Variants in SYNM observed in about 807,000 individuals in gnomAD.
The protein encoded by SYNM is synemin, also known as desmuslin.
SYNM carries 95 observed loss-of-function variants against 104.0 expected under a neutral mutation model. The ratio of observed to expected loss-of-function variants is 0.91; its 90% CI spans 0.77 to 1.08. The LOEUF is 1.08. Among genes scored for constraint, SYNM ranks in the 50% least tolerant of loss-of-function variants. The pLI is 0.00. For missense variants in SYNM, 2,150 were observed against 2,052.2 expected (o/e 1.05, Z -0.92); for synonymous variants, 918 against 869.0 (o/e 1.06, Z -0.99).
chr15:99,133,226 G>T lies in SYNM; in HGVS notation c.*168G>T, dbSNP rs1240775802. On this transcript the variant is annotated 3_prime_UTR_variant, in exon 4 of 4. Transcript: ENST00000336292. ...TTTCCTTTATAGTTAATCCGTAAAG[G>T]TTTCCAGTTAATTCATGCCTTAAAA... 7.3e-7 allele frequency: 1 copy of T among 1,379,178 alleles called. No individual in the cohort carries two copies. Among genetic ancestry groups the T allele is most frequent in the East Asian group, 2.5e-5 (1 of 39,478 alleles). 85.4% of individuals were successfully genotyped at this position (1,379,178 alleles called of 1,614,324 possible).
intron 2 of SYNM, among the ~76,000 whole-genome samples, chr15:99,125,922 C>T (rs1344129722): frequency 6.6e-6 from 1 of 152,222 alleles, no homozygotes; most frequent in Non-Finnish European, 1.5e-5. Context: ...CCACTCTCCT[C>T]AGCTCTGGGA....
Position 99,116,751 on chromosome 15 carries a change from T to C in SYNM, c.935+3036T>C, listed in dbSNP as rs1382588196. Among the ~76,000 whole-genome samples the C allele has an allele frequency of 2.8e-5, 4 of 143,380 alleles. No individual in the cohort carries two copies. In the Admixed American group the frequency reaches 2.9e-4, roughly 10 times the overall value. The allele number at this position is 143,380 out of a possible 152,430, so 94.1% of individuals were successfully genotyped here. On this transcript the variant is annotated intron_variant, in intron 2 of 3. Coordinates refer to ENST00000336292, the MANE Select transcript of SYNM (RefSeq NM_145728.3). ...GGTGCGATCTTGGCTCACTGCAACC[T>C]CTACCTCACGGGTTCAAGCAATTCT... is the stretch of plus-strand genomic sequence containing the variant.
At chr15:99,117,961 T>G (rs1182957930) in intron 2 of SYNM, among the ~76,000 whole-genome samples, 5 of 152,228 alleles carry the variant, frequency 3.3e-5, no homozygotes. Flanking sequence ...ACTCGTGCTT[T>G]CAGGGGAGCA....
intron 2 of SYNM, among the ~76,000 whole-genome samples, chr15:99,125,539 TC>T (rs2067439306): frequency 6.6e-6 from 1 of 152,236 alleles, no homozygotes; most frequent in Non-Finnish European, 1.5e-5. Flanking sequence ...GCCTCATGCC[TC>T]CTTTGCTTTC....
chr15:99,137,222 C>T (rs1452015430), downstream of SYNM: 1 of 152,304 alleles, frequency 6.6e-6, no homozygotes, highest in African/African-American at 2.4e-5. Flanking sequence ...ACTATGGCCT[C>T]CTTCCAGGGG....
intron 2 of SYNM, among the ~76,000 whole-genome samples, chr15:99,114,355 G>A (rs1555483709): frequency 6.6e-6 from 1 of 151,996 alleles, no homozygotes; most frequent in Non-Finnish European, 1.5e-5. Context: ...AACAGCGTGG[G>A]GAAAATTGCT....
chr15:99,115,711 C>G (rs2067342642), intron 2 of SYNM, among the ~76,000 whole-genome samples: 1 of 152,134 alleles, frequency 6.6e-6, no homozygotes. Flanking sequence ...ATCCACCCAC[C>G]TCGCCGCCAC....
At position 99,131,383 on chromosome 15, in the gene SYNM, C is replaced by T; in HGVS notation, c.3023C>T (p.Thr1008Ile). ...TLVAEVNVSQ[T>I]VDADRLDLEE... ...GTTGCTGAAGTCAACGTCTCACAAA[C>T]TGTGGATGCCGATCGGTTAGACCTG... Residue 1008 changes from threonine to isoleucine, a missense_variant, in exon 4 of 4, where the codon ACT becomes ATT. Transcript: ENST00000336292. This position sits in a 1 kb window ranked among gnomAD's most constrained non-coding sequence, Gnocchi z 4.3. 6.2e-7 allele frequency: 1 copy of T among 1,613,010 alleles called. No individual in the cohort carries two copies. Among genetic ancestry groups the T allele is most frequent in the Non-Finnish European group, 8.5e-7 (1 of 1,179,548 alleles).
chr15:99,125,744 G>A (rs1555484944), intron 2 of SYNM, among the ~76,000 whole-genome samples: 1 of 152,198 alleles, frequency 6.6e-6, no homozygotes, highest in Non-Finnish European at 1.5e-5. Context: ...GCCTTTTGCC[G>A]TGTGCAGTGT....
intron 2 of SYNM, among the ~76,000 whole-genome samples, chr15:99,121,533 G>T (rs8036540): frequency 0.59 from 90,221 of 152,028 alleles, 27,372 homozygotes; most frequent in Middle Eastern, 0.7. Flanking sequence ...GCAGGTGCTT[G>T]TGAATAATCG....
rs2067557755 is a variant in SYNM at position 99,135,240 on chromosome 15, G to A, written c.*2182G>A. ...TACAAGTATGGACTCATGAGCTATT[G>A]TTGGTTGCTAAATGTGAATCACGCG... is the stretch of plus-strand genomic sequence containing the variant. On this transcript the variant is annotated 3_prime_UTR_variant, in exon 4 of 4. Transcript: ENST00000336292. The A allele has an allele frequency of 6.6e-6, 1 of 152,666 alleles. No individual in the cohort carries two copies. The highest frequency in any genetic ancestry group is 2.4e-5 in the African/African-American group (1 of 41,456). 9.5% of individuals were successfully genotyped at this position (152,666 alleles called of 1,614,324 possible). A position where few individuals can be genotyped will look rare whatever the true frequency, so the allele number is the denominator to read the frequency against.
In SYNM at chr15:99,105,168, G is replaced by T; in HGVS notation, c.-32G>T. ...ACAAGACCAGGGCAGGAGGGAGCCGGCCAGCCGCGAGAACCCCGCACGCCC... is the reference window on the plus strand; with the variant it reads ...ACAAGACCAGGGCAGGAGGGAGCCGTCCAGCCGCGAGAACCCCGCACGCCC... On this transcript the variant is annotated 5_prime_UTR_variant, in exon 1 of 4. Transcript: ENST00000336292. The T allele has an allele frequency of 1.3e-6, 2 of 1,558,972 alleles. No homozygotes were observed. The highest frequency in any genetic ancestry group is 8.6e-7 in the Non-Finnish European group (1 of 1,158,054).
At position 99,132,984 on chromosome 15, in the gene SYNM, A is replaced by G; in HGVS notation, c.4624A>G (p.Ile1542Val). 2 of 1,613,880 alleles carry G rather than the reference A, an allele frequency of 1.2e-6. No individual in the cohort carries two copies. Among genetic ancestry groups the G allele is most frequent in the Non-Finnish European group, 1.7e-6 (2 of 1,179,878 alleles). ...LQRMVDQRSV[I>V]SDEKKVALLY... ...GAGAATGGTAGACCAAAGGTCGGTGATTTCAGATGAAAAGAAAGTTGCCCT... is the reference window on the plus strand; with the variant it reads ...GAGAATGGTAGACCAAAGGTCGGTGGTTTCAGATGAAAAGAAAGTTGCCCT... Residue 1542 changes from isoleucine to valine, a missense_variant, in exon 4 of 4, where the codon ATT (isoleucine) becomes GTT (valine). Physicochemically the swap from Ile to Val is conservative, Grantham distance 29 (BLOSUM62 3). Coordinates refer to ENST00000336292, the MANE Select transcript of SYNM (RefSeq NM_145728.3).
chr15:99,134,265 AGATACCCAG>A lies in SYNM; in HGVS notation c.*1210_*1218del, dbSNP rs1194307919. On this transcript the variant is annotated 3_prime_UTR_variant, in exon 4 of 4. Transcript: ENST00000336292. ...ATATCTCTCCTGCAGCCCAGCACCG[AGATACCCAG>A]GACGGGCCTGGGGGGCGAGAAAGGC... 2 of 152,018 alleles carry A rather than the reference AGATACCCAG, an allele frequency of 1.3e-5. No individual in the cohort carries two copies. Among genetic ancestry groups the A allele is most frequent in the Non-Finnish European group, 2.9e-5 (2 of 68,010 alleles). 9.4% of individuals were successfully genotyped at this position (152,018 alleles called of 1,614,324 possible).
At chr15:99,138,894 G>A (rs2067871549), downstream of SYNM, among the ~76,000 whole-genome samples, 1 of 152,226 alleles carries the variant, frequency 6.6e-6, no homozygotes, top group Non-Finnish European at 1.5e-5. Flanking sequence ...AGAGCGCTGG[G>A]CCTCTGCTCG....
At chr15:99,113,539 G>T (rs1324684480) in intron 1 of SYNM, 52 bp from the exon 2 acceptor site, 1 of 1,606,038 alleles carries the variant, frequency 6.2e-7, no homozygotes, top group South Asian at 1.1e-5. Flanking sequence ...CCTTCAGTTC[G>T]ACCCAGTAAA....
rs782063503 is a variant in SYNM, at chr15:99,113,639, A to C, written c.859A>C (p.Met287Leu). 1 of 1,613,704 alleles carries C rather than the reference A, an allele frequency of 6.2e-7. No homozygotes were observed. The highest frequency in any genetic ancestry group is 2.2e-5 in the East Asian group (1 of 44,886). Residue 287 changes from methionine (M) to leucine (L), a missense_variant, in exon 2 of 4, where the codon ATG becomes CTG. Physicochemically the swap from Met to Leu is conservative, Grantham distance 15. Coordinates refer to ENST00000336292, the MANE Select transcript of SYNM (RefSeq NM_145728.3). ...TGAGAAGGCAACCCTCACCTTGGCC[A>C]TGGCTGACTGGCTGCGGGACTATCA... The part of the protein sequence containing the change: ...EDEKATLTLA[M>L]ADWLRDYQDL...
intron 2 of SYNM, among the ~76,000 whole-genome samples, chr15:99,114,675 G>T (rs12911794): frequency 4.0e-5 from 6 of 151,686 alleles, no homozygotes; most frequent in Non-Finnish European, 5.9e-5. Context: ...GTCACAAAGC[G>T]CTCAAAGGGG....
In SYNM at chr15:99,130,240, G is replaced by T. The variant is rs754559845; in HGVS notation, c.1880G>T (p.Gly627Val). 2.0e-5 allele frequency: 32 copies of T among 1,613,870 alleles called. No individual in the cohort carries two copies. Among genetic ancestry groups the T allele is most frequent in the Non-Finnish European group, 2.5e-5 (30 of 1,179,900 alleles). ...RFRLGTSDAT[G>V]SLQGDSMTET... is the part of the protein sequence containing the mutation. ...AGGTTGGGCACCAGTGATGCCACTG[G>T]TTCTCTGCAAGGCGATTCCATGACA... The change falls in exon 4 of 4, where the codon GGT becomes GTT. Residue 627 changes from glycine (G) to valine (V), a missense_variant. Physicochemically the swap from Gly to Val is moderately radical, Grantham distance 109. Coordinates refer to ENST00000336292, the MANE Select transcript of SYNM (RefSeq NM_145728.3).
Sources: allele counts gnomAD v4.1 joint callset (sites outside exome capture counted in the v4.1 genomes callset), GRCh38; gene constraint gnomAD v4.1.1; non-coding constraint Gnocchi (gnomAD v3.1); transcripts MANE v1.5; gene names NCBI Gene and HGNC (gene_info 2026-07-23, HGNC 2026-07-21).